The following TENM1 variants were observed in gnomAD, a reference collection of about 807,000 sequenced individuals.
The protein encoded by TENM1 is teneurin-1.
Under a neutral mutation model 174.8 loss-of-function variants are expected in TENM1, and 35 were observed. The ratio of observed to expected loss-of-function variants is 0.20; its 90% CI spans 0.15 to 0.27. TENM1 has a LOEUF of 0.27. Among genes scored for constraint, TENM1 ranks in the 10% least tolerant of loss-of-function variants. The pLI, the probability that TENM1 is intolerant of heterozygous loss-of-function variation, is 1.00. For synonymous variants in TENM1, 781 were observed against 798.7 expected, an observed-to-expected ratio of 0.98 and a Z score of 0.37; for missense variants, 1,633 against 2,130.1, an observed-to-expected ratio of 0.77 and a Z score of 4.59.
chrX:124,881,725 GTTT>G lies in TENM1; in HGVS notation c.535+12568_535+12570del, dbSNP rs780672480. On this transcript the variant is annotated intron_variant, in intron 3 of 31. Coordinates refer to ENST00000422452, the Ensembl canonical transcript of TENM1. Reference sequence around the variant, plus strand: ...TTTTGTTGTTGTTGTTGTTGTTGTTGTTTTGTTTTGTTTTTTTTTTTTAGACAG... The same window carrying G: ...TTTTGTTGTTGTTGTTGTTGTTGTTGTGTTTTGTTTTTTTTTTTTAGACAG... 9.6e-3 allele frequency among the ~76,000 whole-genome samples: 1,011 copies of G among 104,887 alleles called. 13 individuals are homozygous for G. Among genetic ancestry groups the G allele is most frequent in the African/African-American group, 0.033 (937 of 28,729 alleles). 91.1% of individuals were successfully genotyped at this position (104,887 alleles called of 115,157 possible). A position where few individuals can be genotyped will look rare whatever the true frequency, so the allele number is the denominator to read the frequency against.
At chrX:124,933,856 A>T (rs1282963613) in intron 1 of TENM1, among the ~76,000 whole-genome samples, 1 of 111,227 alleles carries the variant, frequency 9.0e-6, no homozygotes, top group African/African-American at 3.3e-5. Context: ...TGCATATTCT[A>T]CTCTATAATT....
At position 124,651,237 on chromosome X, in the gene TENM1, T is replaced by C. The variant is rs752113005; in HGVS notation, c.1579+677A>G. On this transcript the variant is annotated intron_variant, in intron 8 of 31. Transcript: ENST00000422452. ...TTCACACAAAGGGTCACGAGGACTA[T>C]TTATCCTAAAATGACAAAAGAGTGA... 2.7e-5 allele frequency among the ~76,000 whole-genome samples: 3 copies of C among 111,839 alleles called. No homozygotes were observed. In the Admixed American group the frequency reaches 2.9e-4, roughly 11 times the overall value.
At chrX:124,942,353 A>T (rs2058340788) in intron 1 of TENM1, among the ~76,000 whole-genome samples, 1 of 111,425 alleles carries the variant, frequency 9.0e-6, no homozygotes, top group Admixed American at 9.6e-5. Context: ...CTCATTGCCT[A>T]CAGAAACGAC....
At chrX:124,510,592 G>T (rs897543747) in intron 18 of TENM1, among the ~76,000 whole-genome samples, 2 of 111,637 alleles carry the variant, frequency 1.8e-5, no homozygotes, top group African/African-American at 3.3e-5. Context: ...TTGGTAGAGG[G>T]GACCAGAAGA....
the TENM1 span, among the ~76,000 whole-genome samples, chrX:125,175,324 T>G: frequency 5.4e-5 from 6 of 111,511 alleles, no homozygotes; most frequent in Admixed American, 1.9e-4. Flanking sequence ...GAGAAGATTC[T>G]CATGTGGTTT....
intron 11 of TENM1, among the ~76,000 whole-genome samples, chrX:124,593,907 T>G (rs2049825711): frequency 8.9e-6 from 1 of 111,877 alleles, no homozygotes; most frequent in Non-Finnish European, 1.9e-5. Context: ...CCTACCCTAC[T>G]CCAGAGCAGG....
Position 124,881,316 on chromosome X carries a change from A to ATAGT in TENM1, c.535+12976_535+12979dup, listed in dbSNP as rs747910559. On this transcript the variant is annotated intron_variant, in intron 3 of 31. Coordinates refer to ENST00000422452, the Ensembl canonical transcript of TENM1. Reference sequence around the variant, plus strand: ...TCAACGTTATCCAGTTTGTTAGTGTATAGTTGTTCATGACAGTCTCTGATG... The same window carrying ATAGT: ...TCAACGTTATCCAGTTTGTTAGTGTATAGTTAGTTGTTCATGACAGTCTCTGATG... Among the ~76,000 whole-genome samples the ATAGT allele has an allele frequency of 3.0e-4, 34 of 111,657 alleles. No homozygotes were observed. In the South Asian group the frequency reaches 7.1e-3, roughly 23 times the overall value.
chrX:124,963,485 G>A (rs2058685165), intron 1 of TENM1, 52 bp downstream of exon 4: 3 of 1,059,193 alleles, frequency 2.8e-6, no homozygotes, highest in South Asian at 2.0e-5. Context: ...ATGCACACAA[G>A]CATTCTCTAA....
chrX:125,100,619 G>A, the TENM1 span, among the ~76,000 whole-genome samples: 12 of 111,933 alleles, frequency 1.1e-4, no homozygotes. Flanking sequence ...AAATGAAAAT[G>A]TACATGTTCT....
At chrX:125,122,592 T>A in the TENM1 span, among the ~76,000 whole-genome samples, 1 of 111,994 alleles carries the variant, frequency 8.9e-6, no homozygotes, top group Admixed American at 9.5e-5. Flanking sequence ...CAATAACAAC[T>A]TGATACCTAC....
intron 6 of TENM1, among the ~76,000 whole-genome samples, chrX:124,656,200 TTGA>T (rs1286590260): frequency 8.9e-6 from 1 of 112,505 alleles, no homozygotes; most frequent in Non-Finnish European, 1.9e-5. Flanking sequence ...ACAAAACTGG[TTGA>T]TGGACATTAA....
chrX:124,616,508 T>C (rs1183160738), intron 11 of TENM1, among the ~76,000 whole-genome samples: 1 of 112,213 alleles, frequency 8.9e-6, no homozygotes, highest in South Asian at 3.7e-4. Context: ...GAAATCTGCA[T>C]ATGCAACAGG....
At chrX:124,852,986 A>T (rs1168213117) in intron 3 of TENM1, among the ~76,000 whole-genome samples, 1 of 111,946 alleles carries the variant, frequency 8.9e-6, no homozygotes, top group African/African-American at 3.2e-5. Context: ...GGACTGTAAT[A>T]GCCTGGTGGA....
intron 3 of TENM1, among the ~76,000 whole-genome samples, chrX:124,829,124 C>A (rs767612102): frequency 3.6e-5 from 4 of 111,974 alleles, no homozygotes; most frequent in African/African-American, 1.3e-4. Context: ...GCTATGCAGC[C>A]TGCCATCCTG....
At chrX:124,643,710 T>A (rs1301310245) in intron 10 of TENM1, among the ~76,000 whole-genome samples, 1 of 111,056 alleles carries the variant, frequency 9.0e-6, no homozygotes, top group Non-Finnish European at 1.9e-5. Flanking sequence ...ATTTATACCA[T>A]TAAATGTACT....
At chrX:125,133,237 G>A in the TENM1 span, among the ~76,000 whole-genome samples, 6 of 111,123 alleles carry the variant, frequency 5.4e-5, no homozygotes, top group South Asian at 3.8e-4. Flanking sequence ...CTCGTTATCC[G>A]CCCACCTCAG....
intron 3 of TENM1, among the ~76,000 whole-genome samples, chrX:124,748,052 A>G (rs2053970860): frequency 9.0e-6 from 1 of 111,512 alleles, no homozygotes; most frequent in Non-Finnish European, 1.9e-5. Flanking sequence ...CCTCAGGGTA[A>G]AAGAACATAC....
intron 11 of TENM1, among the ~76,000 whole-genome samples, chrX:124,610,409 GC>G (rs2050254086): frequency 8.9e-6 from 1 of 112,056 alleles, no homozygotes; most frequent in South Asian, 3.7e-4. Context: ...AAATTTCACT[GC>G]CTTTGGAATC....
At chrX:125,134,062 A>G in the TENM1 span, among the ~76,000 whole-genome samples, 1 of 111,787 alleles carries the variant, frequency 8.9e-6, no homozygotes, top group East Asian at 2.8e-4. Context: ...GAAAAGGTCC[A>G]TGTATACTGC....
Sources: allele counts gnomAD v4.1 joint callset (sites outside exome capture counted in the v4.1 genomes callset), GRCh38; gene constraint gnomAD v4.1.1; transcripts MANE v1.5; gene names NCBI Gene and HGNC (gene_info 2026-07-23, HGNC 2026-07-21).